Variants in LRBA observed in about 807,000 individuals in gnomAD.
LRBA encodes the protein lipopolysaccharide-responsive and beige-like anchor protein.
In LRBA, 176 loss-of-function variants were observed where a neutral mutation model predicts 330.0. That is an observed-to-expected ratio of 0.53 (90% CI 0.47 to 0.60). The LOEUF (loss-of-function observed/expected upper bound fraction) is 0.60, where lower values mean the gene tolerates loss of function less well. Ranked by LOEUF, LRBA falls within the 20% of genes least tolerant of loss-of-function variation. The pLI is 0.00. For synonymous variants in LRBA, 1,230 were observed against 1,193.0 expected (o/e 1.03, Z -0.64); for missense variants, 3,259 against 3,444.8 (o/e 0.95, Z 1.35).
intron 46 of LRBA, chr4:150,423,659 C>A (rs1749137382): frequency 7.4e-6 from 2 of 269,430 alleles, no homozygotes; most frequent in South Asian, 8.4e-5. Flanking sequence ...TCCGGGTGGG[C>A]AGCCCCTTGG....
At chr4:150,349,151 C>G (rs1650436034) in intron 48 of LRBA, among the ~76,000 whole-genome samples, 1 of 152,136 alleles carries the variant, frequency 6.6e-6, no homozygotes, top group African/African-American at 2.4e-5. Context: ...TAAATATGTA[C>G]TTACATACCT....
At chr4:150,506,024 C>G (rs1162228593) in intron 40 of LRBA, among the ~76,000 whole-genome samples, 1 of 152,100 alleles carries the variant, frequency 6.6e-6, no homozygotes, top group Non-Finnish European at 1.5e-5. Context: ...AAGATTAAAC[C>G]AGGAAGAAGT....
intron 47 of LRBA, among the ~76,000 whole-genome samples, chr4:150,361,043 G>C (rs1461316630): frequency 6.6e-6 from 1 of 152,144 alleles, no homozygotes; most frequent in East Asian, 1.9e-4. Flanking sequence ...TATAGCCATA[G>C]ACCACAACTT....
chr4:150,856,073 A>G (rs1200002844), intron 22 of LRBA, among the ~76,000 whole-genome samples: 1 of 152,192 alleles, frequency 6.6e-6, no homozygotes, highest in African/African-American at 2.4e-5. Context: ...GAAATACTTT[A>G]TATTTTTCAA....
At chr4:150,286,055 A>T in intron 53 of LRBA, 21 bp from the exon 54 acceptor site, 1 of 1,476,578 alleles carries the variant, frequency 6.8e-7, no homozygotes, top group South Asian at 1.3e-5. Context: ...AAACAGATAA[A>T]AAGAACAAAT....
intron 36 of LRBA, among the ~76,000 whole-genome samples, chr4:150,729,824 C>T (rs1730198074): frequency 6.6e-6 from 1 of 151,898 alleles, no homozygotes; most frequent in Non-Finnish European, 1.5e-5. Flanking sequence ...AAAAAGAGGA[C>T]CCAGAAACAA....
In LRBA at chr4:150,415,673, T is replaced by C. The variant is rs574714848; in HGVS notation, c.7042-83A>G. ...TCAAAAAAAGGACCTGATCATTTTC[T>C]ATTGTTCAGAAGAACAAAATAAACA... On this transcript the variant is annotated intron_variant, in intron 46 of 56. Coordinates refer to ENST00000651943, the MANE Select transcript of LRBA (RefSeq NM_001364905.1). 1.3e-5 allele frequency: 11 copies of C among 815,704 alleles called. No individual in the cohort carries two copies. In the East Asian group the frequency reaches 2.5e-4, roughly 19 times the overall value. The allele number at this position is 815,704 out of a possible 1,614,324, so 50.5% of individuals were successfully genotyped here.
intron 36 of LRBA, among the ~76,000 whole-genome samples, chr4:150,702,062 A>T (rs528328800): frequency 6.5e-4 from 99 of 152,348 alleles, no homozygotes; most frequent in African/African-American, 2.2e-3. Flanking sequence ...GGGAGAATAA[A>T]GAAGAAAAGA....
chr4:150,633,826 C>T (rs183852203), intron 37 of LRBA, among the ~76,000 whole-genome samples: 1 of 152,226 alleles, frequency 6.6e-6, no homozygotes, highest in Admixed American at 6.5e-5. Flanking sequence ...GTTTAAATAC[C>T]TCTGCTGGTC....
intron 40 of LRBA, chr4:150,579,759 G>GAA (rs1771017978): frequency 2.2e-6 from 1 of 455,126 alleles, no homozygotes; most frequent in Admixed American, 2.4e-5. Flanking sequence ...CAGGACTTGC[G>GAA]GCGCGGCGGC....
intron 37 of LRBA, among the ~76,000 whole-genome samples, chr4:150,654,453 T>C (rs897563472): frequency 6.6e-6 from 1 of 152,208 alleles, no homozygotes; most frequent in African/African-American, 2.4e-5. Context: ...CCTCCCAAAG[T>C]GCTGGGATTG....
At chr4:150,707,296 T>C (rs1422830277) in intron 36 of LRBA, among the ~76,000 whole-genome samples, 3 of 151,766 alleles carry the variant, frequency 2.0e-5, no homozygotes, top group Middle Eastern at 3.4e-3. Context: ...ATCTTCTATA[T>C]AAAAGTTTCA....
At chr4:150,687,116 AC>A (rs1317255699) in intron 36 of LRBA, among the ~76,000 whole-genome samples, 1 of 152,128 alleles carries the variant, frequency 6.6e-6, no homozygotes. Context: ...ATAAAAGAAA[AC>A]CAAACAAGAA....
intron 53 of LRBA, among the ~76,000 whole-genome samples, chr4:150,296,678 CAG>C (rs1400919219): frequency 2.6e-5 from 4 of 151,750 alleles, no homozygotes; most frequent in Non-Finnish European, 5.9e-5. Context: ...AAAAAAAAAT[CAG>C]AGATTTAAAT....
chr4:150,499,598 G>A (rs1306266594), intron 40 of LRBA, among the ~76,000 whole-genome samples: 2 of 151,772 alleles, frequency 1.3e-5, no homozygotes, highest in Non-Finnish European at 2.9e-5. Context: ...AGCTATGACT[G>A]CACCACTGTA....
At chr4:151,011,543 A>T (rs1275826844) in intron 2 of LRBA, among the ~76,000 whole-genome samples, 1 of 143,682 alleles carries the variant, frequency 7.0e-6, no homozygotes, top group Non-Finnish European at 1.5e-5. Context: ...GGTTGCAGGG[A>T]GGCAAGGTTG....
Position 150,304,805 on chromosome 4 carries a change from A to G in LRBA, c.7850-2013T>C, listed in dbSNP as rs369609132. ...GGATCAGATTACACGCAGGCCTTAC[A>G]TAGGATAAGACAAAAGTTAGGTAGC... On this transcript the variant is annotated intron_variant, in intron 52 of 56. Coordinates refer to ENST00000651943, the MANE Select transcript of LRBA (RefSeq NM_001364905.1). Among the ~76,000 whole-genome samples the G allele has an allele frequency of 5.3e-5, 8 of 152,218 alleles. 1 individual carries two copies. Among genetic ancestry groups the G allele is most frequent in the African/African-American group, 9.6e-5 (4 of 41,464 alleles).
chr4:150,538,490 C>T (rs1057416577), intron 40 of LRBA, among the ~76,000 whole-genome samples: 4 of 152,122 alleles, frequency 2.6e-5, no homozygotes, highest in South Asian at 4.1e-4. Flanking sequence ...TTTGCAGCAA[C>T]GTGCATGCAG....
chr4:150,916,797 T>C (rs535924058), intron 5 of LRBA, 59 bp from the exon 6 acceptor site: 41 of 1,352,688 alleles, frequency 3.0e-5, no homozygotes, highest in East Asian at 1.2e-4. Context: ...ATTAAAATCA[T>C]GAAAATAAGA....
Sources: allele counts gnomAD v4.1 joint callset (sites outside exome capture counted in the v4.1 genomes callset), GRCh38; gene constraint gnomAD v4.1.1; transcripts MANE v1.5; gene names NCBI Gene and HGNC (gene_info 2026-07-23, HGNC 2026-07-21).